SLC27A1: variants seen among roughly 807,000 people sequenced by gnomAD.
SLC27A1 encodes the protein solute carrier family 27 member 1.
Under a neutral mutation model 62.2 loss-of-function variants are expected in SLC27A1, and 61 were observed. The ratio of observed to expected loss-of-function variants is 0.98; its 90% CI spans 0.80 to 1.21. SLC27A1 has a LOEUF of 1.21. SLC27A1 is among the 50% of genes most tolerant of loss of function. The probability of loss-of-function intolerance (pLI) is 0.00; values close to 1 mark genes in which losing one functional copy is unlikely to be tolerated. For missense variants in SLC27A1, 903 were observed against 932.1 expected, an observed-to-expected ratio of 0.97 and a Z score of 0.41; for synonymous variants, 435 against 408.6, an observed-to-expected ratio of 1.06 and a Z score of -0.78.
chr19:17,487,964 G>C (rs915558654), intron 4 of SLC27A1, among the ~76,000 whole-genome samples: 2 of 151,378 alleles, frequency 1.3e-5, no homozygotes, highest in African/African-American at 4.9e-5. Context: ...CTCCACCCAC[G>C]ATGGCCCAGC....
chr19:17,469,863 A>C (rs1263974746), upstream of SLC27A1, among the ~76,000 whole-genome samples: 1 of 46,808 alleles, frequency 2.1e-5, no homozygotes, highest in Non-Finnish European at 3.9e-5. Flanking sequence ...CGGATTGGGG[A>C]GGGCTCTAGT....
chr19:17,481,117 G>A (rs2075173735), intron 1 of SLC27A1, among the ~76,000 whole-genome samples: 1 of 151,668 alleles, frequency 6.6e-6, no homozygotes, highest in South Asian at 2.1e-4. Flanking sequence ...TTGAGACAGG[G>A]TTTCTCCATG....
rs544143864 is a variant in SLC27A1, at chr19:17,506,102, T to C, written c.*1490T>C. 7 of 152,364 alleles carry C rather than the reference T, an allele frequency of 4.6e-5. No individual in the cohort carries two copies. The East Asian group carries it at 1.3e-3, about 29-fold the overall frequency. 9.4% of individuals were successfully genotyped at this position (152,364 alleles called of 1,614,324 possible). A position where few individuals can be genotyped will look rare whatever the true frequency, so the allele number is the denominator to read the frequency against. On this transcript the variant is annotated 3_prime_UTR_variant, in exon 12 of 12. Coordinates refer to ENST00000252595, the MANE Select transcript of SLC27A1 (RefSeq NM_198580.3). ...TGGCAAGAGACACCGTGGCGTCTCA[T>C]GTGAACTTTCCTGGGCACTGTGGTT...
intron 10 of SLC27A1, 92 bp from the exon 11 acceptor site, chr19:17,501,181 A>G: frequency 6.6e-7 from 1 of 1,514,380 alleles, no homozygotes. Context: ...ACTGGAGATT[A>G]CAGACCAGGG....
intron 1 of SLC27A1, among the ~76,000 whole-genome samples, chr19:17,480,874 G>T (rs1169645014): frequency 6.6e-6 from 1 of 151,170 alleles, no homozygotes; most frequent in Non-Finnish European, 1.5e-5. Flanking sequence ...CTTTGCGTCC[G>T]TGCGTATTCA....
Position 17,504,874 on chromosome 19 carries a change from CCT to C in SLC27A1, c.*265_*266del, listed in dbSNP as rs1293211290. On this transcript the variant is annotated 3_prime_UTR_variant, in exon 12 of 12. Transcript: ENST00000252595. ...TGTCCCTGTCTGGCCTTAACTCTTCCCTCTTTTTCTTTTCTTTCTTTCTTTCT... is the reference window on the plus strand; with the variant it reads ...TGTCCCTGTCTGGCCTTAACTCTTCCCTTTTTCTTTTCTTTCTTTCTTTCT... 1 of 663,674 alleles carries C rather than the reference CCT, an allele frequency of 1.5e-6. No individual in the cohort carries two copies. Among genetic ancestry groups the C allele is most frequent in the African/African-American group, 1.8e-5 (1 of 56,268 alleles). The allele number at this position is 663,674 out of a possible 1,614,324, so 41.1% of individuals were successfully genotyped here.
rs1448164740 is a variant in SLC27A1, at chr19:17,500,482, GCCTTCTC to G, written c.1334-9_1334-3del. ...GCCTGCCTAGCGCAGCCTGAACATG[GCCTTCTC>G]CCTAGGGGAGCCTGGCCTCCTTGTG... On this transcript the variant is annotated splice_region_variant and splice_polypyrimidine_tract_variant and intron_variant, in intron 8 of 11. Coordinates refer to ENST00000252595, the MANE Select transcript of SLC27A1 (RefSeq NM_198580.3). The G allele has an allele frequency of 6.2e-7, 1 of 1,613,224 alleles. No homozygotes were observed. Among genetic ancestry groups the G allele is most frequent in the South Asian group, 1.1e-5 (1 of 91,028 alleles).
Position 17,470,685 on chromosome 19 carries a change from A to C in SLC27A1, c.145A>C (p.Lys49Gln), listed in dbSNP as rs1222257035. ...GGWRFLRIVC[K>Q]TARRDLFGLS... ...CTGGCGCTTCCTGCGCATCGTCTGCAAGACCGCGAGGCGAGACCTCTTGTG... is the reference window on the plus strand; with the variant it reads ...CTGGCGCTTCCTGCGCATCGTCTGCCAGACCGCGAGGCGAGACCTCTTGTG... Residue 49 changes from lysine to glutamine, a missense_variant, in exon 1 of 12, where the codon AAG becomes CAG. Lys to Gln is a moderately conservative substitution (Grantham distance 53). Coordinates refer to ENST00000252595, the MANE Select transcript of SLC27A1 (RefSeq NM_198580.3). The C allele has an allele frequency of 6.3e-7, 1 of 1,582,484 alleles. No individual in the cohort carries two copies.
intron 6 of SLC27A1, among the ~76,000 whole-genome samples, chr19:17,491,588 T>C (rs552588503): frequency 6.6e-6 from 1 of 152,326 alleles, no homozygotes; most frequent in Non-Finnish European, 1.5e-5. Flanking sequence ...GTAAGAATTC[T>C]TGGCTGAGCG....
chr19:17,502,650 G>A (rs12979071), intron 11 of SLC27A1, among the ~76,000 whole-genome samples: 3 of 151,722 alleles, frequency 2.0e-5, no homozygotes, highest in African/African-American at 4.8e-5. Context: ...CACTGCACCC[G>A]GCCTCGGTGT....
At chr19:17,488,795 C>G (rs1230450226) in intron 4 of SLC27A1, 53 bp from the exon 5 acceptor site, 3 of 1,523,298 alleles carry the variant, frequency 2.0e-6, no homozygotes, top group Non-Finnish European at 2.7e-6. Flanking sequence ...TGCCTGTACC[C>G]TGGGGGATTT....
chr19:17,500,216 G>T (rs1478900567), intron 7 of SLC27A1, 62 bp from the exon 8 acceptor site: 2 of 1,583,274 alleles, frequency 1.3e-6, no homozygotes, highest in Admixed American at 3.5e-5. Context: ...GGCAGGCAAA[G>T]TGTTACTGAG....
At chr19:17,484,705 TGAGG>T (rs2144569592) in intron 1 of SLC27A1, among the ~76,000 whole-genome samples, 1 of 151,192 alleles carries the variant, frequency 6.6e-6, no homozygotes, top group East Asian at 2.0e-4. Context: ...AAGGAGAGAA[TGAGG>T]GAGGGAATGA....
intron 1 of SLC27A1, among the ~76,000 whole-genome samples, chr19:17,478,481 A>C (rs1300438504): frequency 1.3e-5 from 2 of 151,514 alleles, no homozygotes; most frequent in South Asian, 2.1e-4. Flanking sequence ...AAAAAAAAAA[A>C]AAAAAGGCAC....
chr19:17,470,687 G>T lies in SLC27A1; in HGVS notation c.147G>T (p.Lys49Asn). The change falls in exon 1 of 12, where the codon AAG (lysine) becomes AAT (asparagine). Residue 49 changes from lysine (K) to asparagine (N), a missense_variant. By Grantham distance (94) the Lys-to-Asn change is moderately conservative. Transcript: ENST00000252595. The part of the protein sequence containing the change: ...GGWRFLRIVC[K>N]TARRDLFGLS... The stretch of plus-strand genomic sequence containing the variant: ...GGCGCTTCCTGCGCATCGTCTGCAA[G>T]ACCGCGAGGCGAGACCTCTTGTGAG... 1 of 1,583,626 alleles carries T rather than the reference G, an allele frequency of 6.3e-7. No individual in the cohort carries two copies.
chr19:17,503,536 T>C (rs2075439415), intron 11 of SLC27A1: 1 of 152,038 alleles, frequency 6.6e-6, no homozygotes, highest in South Asian at 2.1e-4. Context: ...CATAGTTTAC[T>C]GCAGTCTTCT....
chr19:17,488,764 C>A, intron 4 of SLC27A1, 84 bp from the exon 5 acceptor site: 4 of 1,267,834 alleles, frequency 3.2e-6, no homozygotes, highest in Non-Finnish European at 4.5e-6. Flanking sequence ...TGCCTGGGTC[C>A]ACATGCAGCA....
chr19:17,504,891 T>C lies in SLC27A1; in HGVS notation c.*279T>C, dbSNP rs749783933. 14 of 615,198 alleles carry C rather than the reference T, an allele frequency of 2.3e-5. No individual in the cohort carries two copies. The highest frequency in any genetic ancestry group is 5.5e-5 in the African/African-American group (3 of 55,026). 38.1% of individuals were successfully genotyped at this position (615,198 alleles called of 1,614,324 possible). A position where few individuals can be genotyped will look rare whatever the true frequency, so the allele number is the denominator to read the frequency against. ...AACTCTTCCCTCTTTTTCTTTTCTT[T>C]CTTTCTTTCTTTTTTTTTTAAGATA... On this transcript the variant is annotated 3_prime_UTR_variant, in exon 12 of 12. Transcript: ENST00000252595.
Position 17,501,387 on chromosome 19 carries a change from T to A in SLC27A1, c.1751T>A (p.Phe584Tyr). ...KVLAPYARPI[F>Y]LRLLPQVDTT... Reference sequence around the variant, plus strand: ...CTGGCACCCTATGCCCGGCCCATCTTCCTGCGCCTCCTGCCCCAGGTGGAC... The same window carrying A: ...CTGGCACCCTATGCCCGGCCCATCTACCTGCGCCTCCTGCCCCAGGTGGAC... The change falls in exon 11 of 12, where the codon TTC becomes TAC. Residue 584 changes from phenylalanine to tyrosine, a missense_variant. Transcript: ENST00000252595. 3.1e-6 allele frequency: 5 copies of A among 1,613,704 alleles called. No individual in the cohort carries two copies. Among genetic ancestry groups the A allele is most frequent in the Non-Finnish European group, 3.4e-6 (4 of 1,179,892 alleles).
Sources: allele counts gnomAD v4.1 joint callset (sites outside exome capture counted in the v4.1 genomes callset), GRCh38; gene constraint gnomAD v4.1.1; transcripts MANE v1.5; gene names NCBI Gene and HGNC (gene_info 2026-07-23, HGNC 2026-07-21).